Variants in WDR64 observed in about 807,000 individuals in gnomAD.
WDR64 encodes the protein WD repeat-containing protein 64.
WDR64 carries 112 observed loss-of-function variants against 139.3 expected under a neutral mutation model. That is an observed-to-expected ratio of 0.80 (90% confidence interval 0.69 to 0.94). WDR64 has a LOEUF of 0.94. WDR64 is among the 40% of genes least tolerant of loss of function. The probability of loss-of-function intolerance (pLI) is 0.00; values close to 1 mark genes in which losing one functional copy is unlikely to be tolerated. For missense variants in WDR64, 1,206 were observed against 1,293.1 expected, an observed-to-expected ratio of 0.93 and a Z score of 1.03; for synonymous variants, 444 against 437.7, an observed-to-expected ratio of 1.01 and a Z score of -0.18.
chr1:241,686,732 C>T (rs1347325249), intron 7 of WDR64, among the ~76,000 whole-genome samples: 2 of 152,116 alleles, frequency 1.3e-5, no homozygotes, highest in South Asian at 2.1e-4. Flanking sequence ...CTCAGCTTCA[C>T]CAGTGATCTC....
intron 11 of WDR64, among the ~76,000 whole-genome samples, chr1:241,738,842 C>T (rs1669426147): frequency 6.6e-6 from 1 of 152,136 alleles, no homozygotes; most frequent in Admixed American, 6.5e-5. Context: ...AGTTCTTGGA[C>T]CTAGGAAGAA....
chr1:241,735,819 TTCTATCTCTCTCTC>T (rs1402202576), intron 10 of WDR64, among the ~76,000 whole-genome samples: 42 of 129,260 alleles, frequency 3.2e-4, no homozygotes, highest in South Asian at 8.0e-4. Context: ...GTCCTTCTCT[TTCTATCTCTCTCTC>T]TCTCTCTCTC....
chr1:241,799,216 A>AAAAAAT (rs1659452867), intron 27 of WDR64, among the ~76,000 whole-genome samples: 1 of 134,968 alleles, frequency 7.4e-6, no homozygotes, highest in Admixed American at 7.5e-5. Context: ...AAAAAAAAAA[A>AAAAAAT]AAAAAAATAC....
rs2148109943 is a variant in WDR64 at position 241,683,522 on chromosome 1, C to T, written c.660C>T (p.Cys220=). Residue 220 remains cysteine, a synonymous_variant, in exon 7 of 28, where the codon TGC becomes TGT. Coordinates refer to ENST00000437684, the MANE Select transcript of WDR64 (RefSeq NM_001367482.1). Reference sequence around the variant, plus strand: ...TTGTCATAAAACCAATGGATCACTGCCTCCTGTGTGTGTGTGTGGTGCCTT... The same window carrying T: ...TTGTCATAAAACCAATGGATCACTGTCTCCTGTGTGTGTGTGTGGTGCCTT... ...NYFVIKPMDH[C]LLCVCVVPLP... The T allele has an allele frequency of 6.4e-7, 1 of 1,551,618 alleles. No homozygotes were observed. The highest frequency in any genetic ancestry group is 8.7e-7 in the Non-Finnish European group (1 of 1,146,936).
At chr1:241,705,123 C>T (rs1237110689) in intron 8 of WDR64, among the ~76,000 whole-genome samples, 2 of 152,172 alleles carry the variant, frequency 1.3e-5, no homozygotes, top group African/African-American at 4.8e-5. Context: ...GCATCTAGCT[C>T]CCCAGTAGCT....
intron 20 of WDR64, among the ~76,000 whole-genome samples, chr1:241,774,359 G>A (rs1373868454): frequency 6.6e-6 from 1 of 152,064 alleles, no homozygotes; most frequent in Non-Finnish European, 1.5e-5. Flanking sequence ...AGATAATCTT[G>A]GTATTAGAAC....
At chr1:241,768,583 A>T (rs971030814) in intron 16 of WDR64, among the ~76,000 whole-genome samples, 1 of 152,262 alleles carries the variant, frequency 6.6e-6, no homozygotes, top group Non-Finnish European at 1.5e-5. Flanking sequence ...TCAACAAGTC[A>T]TCAAGCTTGT....
chr1:241,723,322 G>A lies in WDR64; in HGVS notation c.1080G>A (p.Trp360Ter), dbSNP rs1225130851. The change falls in exon 10 of 28, where the codon TGG (tryptophan) becomes TGA (stop). Residue 360 changes from tryptophan (W) to a stop codon, truncating the protein, a stop_gained. Coordinates refer to ENST00000437684, the MANE Select transcript of WDR64 (RefSeq NM_001367482.1). LOFTEE classifies it high-confidence loss of function. ...GAGATGATAAGGTCATCCGGTTGTG[G>A]CACCCCAATATCAGCACCAAGCCAG... ...TGGDDKVIRL[W>*]HPNISTKPVG... The A allele has an allele frequency of 1.9e-6, 3 of 1,613,678 alleles. No individual in the cohort carries two copies. In the South Asian group the frequency reaches 3.3e-5, roughly 18 times the overall value.
intron 1 of WDR64, among the ~76,000 whole-genome samples, chr1:241,654,668 A>G (rs1573978959): frequency 7.3e-6 from 1 of 137,384 alleles, no homozygotes; most frequent in African/African-American, 3.0e-5. Context: ...ATATCTTGGT[A>G]TAGGCTGTAT....
At position 241,751,135 on chromosome 1, in the gene WDR64, C is replaced by A. The variant is rs147159368; in HGVS notation, c.1770+1413C>A. Among the ~76,000 whole-genome samples, 3 of 152,132 alleles carry A rather than the reference C, an allele frequency of 2.0e-5. No individual in the cohort carries two copies. In the East Asian group the frequency reaches 5.8e-4, roughly 29 times the overall value. On this transcript the variant is annotated intron_variant, in intron 14 of 27. Coordinates refer to ENST00000437684, the MANE Select transcript of WDR64 (RefSeq NM_001367482.1). ...ATTTGCCATGTTCCAGAAGGATATT[C>A]CCTTTCACCATGAAATGCATAATTT...
At chr1:241,676,300 T>G (rs1666552199) in intron 4 of WDR64, 1 of 152,238 alleles carries the variant, frequency 6.6e-6, no homozygotes, top group South Asian at 2.1e-4. Context: ...ATCATAGACC[T>G]TCTTTCTTGC....
chr1:241,735,853 CTCTGTGTG>C (rs1479461887), intron 10 of WDR64, among the ~76,000 whole-genome samples: 19 of 91,350 alleles, frequency 2.1e-4, no homozygotes, highest in African/African-American at 5.0e-4. Context: ...CTCTCTCTCT[CTCTGTGTG>C]TGTGTGTGTG....
chr1:241,775,150 A>C lies in WDR64; in HGVS notation c.2476A>C (p.Ile826Leu). 1 of 1,551,204 alleles carries C rather than the reference A, an allele frequency of 6.4e-7. No homozygotes were observed. Among genetic ancestry groups the C allele is most frequent in the Non-Finnish European group, 8.7e-7 (1 of 1,146,890 alleles). ...DMLPFTKHSA[I>L]SLTSLYTDSC... ...GCTACCTTTCACAAAACATTCTGCC[A>C]TTTCTCTGACATCGCTGTATACTGA... Residue 826 changes from isoleucine (I) to leucine (L), a missense_variant, in exon 21 of 28, where the codon ATT (isoleucine) becomes CTT (leucine). By Grantham distance (5) the Ile-to-Leu change is conservative. Coordinates refer to ENST00000437684, the MANE Select transcript of WDR64 (RefSeq NM_001367482.1).
chr1:241,765,855 A>G (rs989766420), intron 15 of WDR64, among the ~76,000 whole-genome samples: 7 of 152,206 alleles, frequency 4.6e-5, no homozygotes, highest in Non-Finnish European at 7.3e-5. Flanking sequence ...GCAGAAGCCA[A>G]TGAAATTTGC....
chr1:241,763,960 T>C (rs1299173236), intron 15 of WDR64, among the ~76,000 whole-genome samples: 2 of 152,080 alleles, frequency 1.3e-5, no homozygotes, highest in East Asian at 1.9e-4. Context: ...TAAAGAACTA[T>C]CAGGAGTTAG....
chr1:241,741,461 T>C, intron 11 of WDR64, 55 bp from the exon 12 acceptor site: 1 of 1,511,028 alleles, frequency 6.6e-7, no homozygotes, highest in Non-Finnish European at 8.8e-7. Context: ...TGAAACCCTT[T>C]GTGATTAGAA....
chr1:241,712,670 C>T (rs1322276095), intron 9 of WDR64, among the ~76,000 whole-genome samples: 1 of 152,122 alleles, frequency 6.6e-6, no homozygotes, highest in African/African-American at 2.4e-5. Flanking sequence ...TAGTACCTAC[C>T]CATAATGTTA....
intron 21 of WDR64, among the ~76,000 whole-genome samples, chr1:241,776,945 CA>C (rs1452858294): frequency 2.0e-5 from 3 of 152,178 alleles, no homozygotes; most frequent in Non-Finnish European, 4.4e-5. Context: ...TCCTCATCTA[CA>C]TTATAACTAA....
chr1:241,767,927 G>T (rs966026293), intron 16 of WDR64, among the ~76,000 whole-genome samples: 25 of 152,044 alleles, frequency 1.6e-4, no homozygotes, highest in African/African-American at 6.0e-4. Context: ...CTCACACATT[G>T]TCTACCTGCC....
Sources: allele counts gnomAD v4.1 joint callset (sites outside exome capture counted in the v4.1 genomes callset), GRCh38; gene constraint gnomAD v4.1.1; transcripts MANE v1.5; gene names NCBI Gene and HGNC (gene_info 2026-07-23, HGNC 2026-07-21).